The following NCOR2 variants were observed in gnomAD, a reference collection of about 807,000 sequenced individuals.
The protein encoded by NCOR2 is nuclear receptor corepressor 2, also known as CTG repeat protein 26.
Under a neutral mutation model 262.9 loss-of-function variants are expected in NCOR2, and 81 were observed. That is an observed-to-expected ratio of 0.31 (90% CI 0.26 to 0.37). The LOEUF (loss-of-function observed/expected upper bound fraction) is 0.37. NCOR2 is among the 10% of genes least tolerant of loss of function. The pLI is 1.00. For missense variants in NCOR2, 3,385 were observed against 3,621.4 expected (o/e 0.93, Z 1.68); for synonymous variants, 1,659 against 1,559.3 (o/e 1.06, Z -1.51).
chr12:124,452,733 C>A (rs2045624366), intron 6 of NCOR2, among the ~76,000 whole-genome samples: 1 of 152,180 alleles, frequency 6.6e-6, no homozygotes, highest in Non-Finnish European at 1.5e-5. Flanking sequence ...CAGCAAGAGC[C>A]CGGTCAGCCT....
At chr12:124,458,137 C>T (rs1431299106) in intron 5 of NCOR2, among the ~76,000 whole-genome samples, 3 of 152,218 alleles carry the variant, frequency 2.0e-5, no homozygotes, top group East Asian at 1.9e-4. Flanking sequence ...AAGGACTAGG[C>T]GGACAGGCCG....
chr12:124,422,876 C>T (rs575817731), intron 11 of NCOR2, among the ~76,000 whole-genome samples: 1 of 152,356 alleles, frequency 6.6e-6, no homozygotes, highest in East Asian at 1.9e-4. Context: ...GGTTCCCCCC[C>T]CTTTAAAATC....
exon 5 of NCOR2, chr12:124,466,174 C>T (rs1293115131): frequency 6.2e-7 from 1 of 1,606,858 alleles, no homozygotes; most frequent in Non-Finnish European, 8.5e-7. Flanking sequence ...GACACATACC[C>T]GGTTCTCGTC....
chr12:124,448,848 G>A (rs1420141568), intron 7 of NCOR2, among the ~76,000 whole-genome samples: 4 of 152,108 alleles, frequency 2.6e-5, no homozygotes, highest in South Asian at 2.1e-4. Flanking sequence ...CAATCGGACC[G>A]GGCTGAACTA....
chr12:124,404,928 A>G (rs1056256778), intron 13 of NCOR2, among the ~76,000 whole-genome samples: 1 of 152,204 alleles, frequency 6.6e-6, no homozygotes, highest in Non-Finnish European at 1.5e-5. Flanking sequence ...TCTGCAGAGG[A>G]GGAAACAGGC....
chr12:124,355,662 G>A, intron 23 of NCOR2, 91 bp from the exon 26 acceptor site: 2 of 1,442,250 alleles, frequency 1.4e-6, no homozygotes, highest in Non-Finnish European at 1.8e-6. Context: ...CCTCTTCCCT[G>A]TCCTGGCCAG....
At chr12:124,558,111 CCT>C (rs1341761278) in intron 1 of NCOR2, among the ~76,000 whole-genome samples, 4 of 152,176 alleles carry the variant, frequency 2.6e-5, no homozygotes, top group Non-Finnish European at 4.4e-5. Context: ...GCCCATGCTC[CCT>C]GATGGTCTCA....
rs370166754 is a variant in NCOR2, at chr12:124,354,463, C to G, written c.3589+15G>C. 2 of 1,503,674 alleles carry G rather than the reference C, an allele frequency of 1.3e-6. No homozygotes were observed. Among genetic ancestry groups the G allele is most frequent in the African/African-American group, 2.8e-5 (2 of 71,870 alleles). The allele number at this position is 1,503,674 out of a possible 1,614,324, so 93.1% of individuals were successfully genotyped here. ...AGGGGCAGATGCTGGGGGCCCAGGG[C>G]AGAAGGGCCCTCACCTCTCAGCACG... is the stretch of plus-strand genomic sequence containing the variant. On this transcript the variant is annotated intron_variant, in intron 26 of 46. Coordinates refer to ENST00000405201, the Ensembl canonical transcript of NCOR2.
At chr12:124,492,243 C>T (rs995696100) in intron 1 of NCOR2, among the ~76,000 whole-genome samples, 5 of 152,226 alleles carry the variant, frequency 3.3e-5, no homozygotes, top group Admixed American at 1.3e-4. Context: ...GACTACCCCG[C>T]GCTTGCTGCG....
chr12:124,377,300 G>A (rs1476950313), intron 18 of NCOR2, among the ~76,000 whole-genome samples: 1 of 152,106 alleles, frequency 6.6e-6, no homozygotes, highest in South Asian at 2.1e-4. Context: ...TCTACAGCTG[G>A]TGCAAACAAC....
intron 37 of NCOR2, among the ~76,000 whole-genome samples, chr12:124,339,196 C>G (rs2036176519): frequency 6.8e-6 from 1 of 148,018 alleles, no homozygotes; most frequent in Non-Finnish European, 1.5e-5. Flanking sequence ...ACCCATCTAC[C>G]TACCTAACCC....
chr12:124,482,184 C>T lies in NCOR2; in HGVS notation c.411+1412G>A, dbSNP rs77413900. ...ACTTTCCTGTGACAACTTGGTGAGG[C>T]GGGGACTGCCCCAGTGGCAGGGAGG... On this transcript the variant is annotated intron_variant, in intron 3 of 46. Coordinates refer to ENST00000405201, the Ensembl canonical transcript of NCOR2. This position sits in a 1 kb window ranked among gnomAD's most constrained non-coding sequence, Gnocchi z 6.3. Among the ~76,000 whole-genome samples, 3,965 of 152,194 alleles carry T rather than the reference C, an allele frequency of 0.026. 104 individuals carry two copies. Among genetic ancestry groups the T allele is most frequent in the African/African-American group, 0.07 (2,902 of 41,492 alleles).
chr12:124,496,685 C>T (rs900314710), upstream of NCOR2, among the ~76,000 whole-genome samples: 2 of 152,158 alleles, frequency 1.3e-5, no homozygotes, highest in African/African-American at 4.8e-5. The surrounding 1 kb of genome is among the most constrained non-coding windows in gnomAD (Gnocchi z 4.4). Flanking sequence ...GCCCTGACTG[C>T]CTCCCAGGCC....
At chr12:124,445,661 G>C (rs982083796) in intron 7 of NCOR2, among the ~76,000 whole-genome samples, 3 of 152,074 alleles carry the variant, frequency 2.0e-5, no homozygotes, top group African/African-American at 7.2e-5. Context: ...ACCTGACCCC[G>C]GCTGGATCAT....
chr12:124,401,008 C>T (rs1485352718), intron 14 of NCOR2, among the ~76,000 whole-genome samples: 2 of 152,092 alleles, frequency 1.3e-5, no homozygotes, highest in African/African-American at 2.4e-5. Context: ...AGTTTAAGAC[C>T]AGCCTGGGCA....
intron 18 of NCOR2, among the ~76,000 whole-genome samples, chr12:124,375,893 G>T (rs2039955002): frequency 6.6e-6 from 1 of 152,320 alleles, no homozygotes; most frequent in African/African-American, 2.4e-5. Flanking sequence ...GGAGGGGCCT[G>T]CAGTGCCGCT....
At chr12:124,356,773 G>T in exon 23 of NCOR2, 4 of 1,475,612 alleles carry the variant, frequency 2.7e-6, no homozygotes, top group Non-Finnish European at 3.6e-6. Context: ...CTGGGCCTCG[G>T]CTGCGAAGGC....
rs560397373 is a variant in NCOR2 at position 124,368,847 on chromosome 12, G to A, written c.2807+3175C>T. On this transcript the variant is annotated intron_variant, in intron 20 of 46. Coordinates refer to ENST00000405201, the Ensembl canonical transcript of NCOR2. ...TGTAAGTGCCTGGAGTCAGGGCCTT[G>A]TCTGTGCAGTTTCCAGCGCCCCCGG... Among the ~76,000 whole-genome samples, 14 of 152,378 alleles carry A rather than the reference G, an allele frequency of 9.2e-5. No homozygotes were observed. The East Asian group carries it at 9.6e-4, about 10-fold the overall frequency.
chr12:124,373,637 G>A lies in NCOR2; in HGVS notation c.2218+776C>T, dbSNP rs1702326. 5.3e-3 allele frequency among the ~76,000 whole-genome samples: 599 copies of A among 113,968 alleles called. 13 individuals are homozygous for A. In the East Asian group the frequency reaches 0.082, roughly 16 times the overall value. The allele number at this position is 113,968 out of a possible 152,430, so 74.8% of individuals were successfully genotyped here. ...AGTGGGCAGTGAGGCCAGTGCGTGC[G>A]CAGGGGCCCCGGGCACAGTGGACAA... On this transcript the variant is annotated intron_variant, in intron 19 of 46. Coordinates refer to ENST00000405201, the Ensembl canonical transcript of NCOR2.
Sources: gnomAD v4.1 joint callset for allele counts (sites outside exome capture counted in the v4.1 genomes callset) on GRCh38, gnomAD v4.1.1 for gene constraint, Gnocchi (gnomAD v3.1) non-coding constraint, MANE v1.5 for transcripts, NCBI Gene and HGNC (gene_info 2026-07-23, HGNC 2026-07-21) for gene names.